The following SNRPN variants were observed in gnomAD, a reference collection of about 807,000 sequenced individuals.
The protein encoded by SNRPN is small nuclear ribonucleoprotein-associated protein N.
A neutral mutation model predicts 25.2 loss-of-function variants in SNRPN; 7 were observed. The observed-to-expected ratio is 0.28, with a 90% confidence interval of 0.16 to 0.52. The LOEUF is 0.52. SNRPN is among the 20% of genes least tolerant of loss of function. The pLI is 0.96. For synonymous variants in SNRPN, 124 were observed against 110.6 expected, an observed-to-expected ratio of 1.12 and a Z score of -0.76; for missense variants, 196 against 322.5, an observed-to-expected ratio of 0.61 and a Z score of 3.00.
chr15:24,823,724 C>T (rs1383917863), exon 1 of SNRPN: 1 of 152,224 alleles, frequency 6.6e-6, no homozygotes, highest in African/African-American at 2.4e-5. Context: ...TCAGCTGCCC[C>T]CTGCCCTCTC....
At chr15:24,859,535 A>G (rs2053790172) in intron 1 of SNRPN, among the ~76,000 whole-genome samples, 1 of 152,228 alleles carries the variant, frequency 6.6e-6, no homozygotes, top group African/African-American at 2.4e-5. Context: ...AAGATGTGAG[A>G]AACCAACAGA....
At chr15:24,884,004 TAAA>T (rs34950476) in intron 1 of SNRPN, among the ~76,000 whole-genome samples, 13 of 127,110 alleles carry the variant, frequency 1.0e-4, no homozygotes, top group Non-Finnish European at 3.3e-5. Flanking sequence ...CCACTCTGTC[TAAA>T]AAAAAAAAAA....
At chr15:24,859,641 G>A (rs766213008) in intron 1 of SNRPN, among the ~76,000 whole-genome samples, 3 of 152,144 alleles carry the variant, frequency 2.0e-5, no homozygotes, top group Non-Finnish European at 4.4e-5. Flanking sequence ...GAGGGTTGCC[G>A]ATATTCAGGG....
At chr15:24,954,979 A>T (rs2062595024), upstream of SNRPN, 3 of 1,605,120 alleles carry the variant, frequency 1.9e-6, no homozygotes, top group African/African-American at 2.7e-5. Context: ...TGCTGCAGCG[A>T]GTCTGGCGCA....
At chr15:24,974,568 C>G (rs1262112827) in intron 4 of SNRPN, 112 bp downstream of exon 4, 6 of 985,020 alleles carry the variant, frequency 6.1e-6, no homozygotes, top group Non-Finnish European at 9.9e-6. Context: ...AAGGATACAT[C>G]CATGGATATG....
chr15:24,951,211 G>A (rs2062244890), upstream of SNRPN, among the ~76,000 whole-genome samples: 1 of 151,788 alleles, frequency 6.6e-6, no homozygotes, highest in African/African-American at 2.4e-5. Context: ...TAGGTCATAT[G>A]GTAACTTCAG....
chr15:24,829,640 A>G (rs2050363195), intron 1 of SNRPN, among the ~76,000 whole-genome samples: 1 of 152,042 alleles, frequency 6.6e-6, no homozygotes, highest in East Asian at 1.9e-4. Context: ...GTTATCCCCA[A>G]TCCATGAGGT....
At chr15:24,862,533 T>C (rs1426381210) in intron 1 of SNRPN, among the ~76,000 whole-genome samples, 1 of 151,100 alleles carries the variant, frequency 6.6e-6, no homozygotes, top group Non-Finnish European at 1.5e-5. Context: ...ACTGATTCAT[T>C]AGTGAAACAC....
chr15:24,856,931 G>A (rs2053453559), intron 1 of SNRPN, among the ~76,000 whole-genome samples: 1 of 151,990 alleles, frequency 6.6e-6, no homozygotes. Context: ...TCTTTTCCAT[G>A]ATCATTCTTT....
chr15:24,903,339 G>A (rs537299532), intron 2 of SNRPN, among the ~76,000 whole-genome samples: 2 of 152,294 alleles, frequency 1.3e-5, no homozygotes, highest in East Asian at 3.9e-4. Flanking sequence ...TGGTTTCCCA[G>A]TGTCTGAAAA....
At chr15:24,928,327 A>T (rs930794120) in intron 3 of SNRPN, among the ~76,000 whole-genome samples, 1 of 152,158 alleles carries the variant, frequency 6.6e-6, no homozygotes, top group Non-Finnish European at 1.5e-5. Flanking sequence ...AATCCACCGA[A>T]GTGTTCATCA....
chr15:24,925,715 A>T (rs1203975515), intron 3 of SNRPN, among the ~76,000 whole-genome samples: 1 of 150,348 alleles, frequency 6.7e-6, no homozygotes, highest in Non-Finnish European at 1.5e-5. Context: ...AGTGGCTGGG[A>T]CCATAGGTGC....
At chr15:24,843,240 G>A (rs2051854700) in intron 2 of SNRPN, among the ~76,000 whole-genome samples, 1 of 152,062 alleles carries the variant, frequency 6.6e-6, no homozygotes, top group Admixed American at 6.6e-5. Context: ...TATAAATATG[G>A]ATAACTTGAT....
At chr15:24,925,951 G>T (rs1290147956) in intron 3 of SNRPN, among the ~76,000 whole-genome samples, 1 of 152,096 alleles carries the variant, frequency 6.6e-6, no homozygotes, top group East Asian at 1.9e-4. Context: ...AGGCAGGATG[G>T]TCTCGATCTC....
At chr15:24,880,545 T>C (rs1474767068) in intron 1 of SNRPN, among the ~76,000 whole-genome samples, 2 of 152,162 alleles carry the variant, frequency 1.3e-5, no homozygotes, top group Non-Finnish European at 2.9e-5. Context: ...AGCTGTTCCA[T>C]ACATTTTATC....
rs2060622435 is a variant in SNRPN, at chr15:24,929,146, G to A, written c.-391+9022G>A. Among the ~76,000 whole-genome samples the A allele has an allele frequency of 6.6e-6, 1 of 151,936 alleles. No homozygotes were observed. The highest frequency in any genetic ancestry group is 1.5e-5 in the Non-Finnish European group (1 of 68,012). The stretch of plus-strand genomic sequence containing the variant: ...TATAGCTATATGTATGTGACTATAT[G>A]TATTGTGTATATATGTATGTAGCTA... On this transcript the variant is annotated intron_variant, in intron 3 of 11. Coordinates refer to the SNRPN transcript ENST00000400097. This position sits in a 1 kb window ranked among gnomAD's most constrained non-coding sequence, Gnocchi z 5.3.
chr15:24,867,220 G>A (rs1279987829), intron 1 of SNRPN, among the ~76,000 whole-genome samples: 3 of 151,942 alleles, frequency 2.0e-5, no homozygotes, highest in African/African-American at 7.3e-5. Flanking sequence ...TTTCGATAAT[G>A]GCTGTACCGA....
Position 24,972,319 on chromosome 15 carries a change from T to G in SNRPN, c.-143-1992T>G, listed in dbSNP as rs550185936. ...ATACCATGTTTTCTTGGATTTAGAC[T>G]GCTTTATAAAGAATCATAAGATAAT... On this transcript the variant is annotated intron_variant, in intron 3 of 9. Transcript: ENST00000390687. Among the ~76,000 whole-genome samples the G allele has an allele frequency of 2.0e-5, 3 of 151,916 alleles. No homozygotes were observed. The South Asian group carries it at 6.2e-4, about 32-fold the overall frequency.
chr15:24,919,388 G>A (rs1297095655), intron 2 of SNRPN, among the ~76,000 whole-genome samples: 3 of 147,840 alleles, frequency 2.0e-5, no homozygotes, highest in South Asian at 4.3e-4. Flanking sequence ...CCGAGATAGC[G>A]CCACTGCATT....
Sources: gnomAD v4.1 joint callset for allele counts (sites outside exome capture counted in the v4.1 genomes callset) on GRCh38, gnomAD v4.1.1 for gene constraint, Gnocchi (gnomAD v3.1) non-coding constraint, MANE v1.5 for transcripts, NCBI Gene and HGNC (gene_info 2026-07-23, HGNC 2026-07-21) for gene names.